SLC12A6: variants seen among roughly 807,000 people sequenced by gnomAD.
SLC12A6 encodes K-Cl cotransporter 3.
Under a neutral mutation model 135.3 loss-of-function variants are expected in SLC12A6, and 66 were observed. That is an observed-to-expected ratio of 0.49 (90% CI 0.40 to 0.60). The LOEUF (loss-of-function observed/expected upper bound fraction) is 0.60, where lower values mean the gene tolerates loss of function less well. SLC12A6 is among the 20% of genes least tolerant of loss of function. The pLI, the probability that SLC12A6 is intolerant of heterozygous loss-of-function variation, is 0.00. For missense variants in SLC12A6, 1,058 were observed against 1,452.3 expected (o/e 0.73, Z 4.41); for synonymous variants, 513 against 508.8 (o/e 1.01, Z -0.11).
chr15:34,251,047 C>T lies in SLC12A6; in HGVS notation c.1344G>A (p.Trp448Ter). The T allele has an allele frequency of 6.2e-7, 1 of 1,607,480 alleles. No homozygotes were observed. Among genetic ancestry groups the T allele is most frequent in the Non-Finnish European group, 8.5e-7 (1 of 1,174,310 alleles). ...LASGIITENL[W>*]SNYLPKGEII... ...TCTCTCCCTTGGGTAGGTAATTACT[C>T]CAAAGATTCTCTGCAGTGGGAAAAA... The change falls in exon 11 of 26, where the codon TGG becomes TGA. Residue 448 changes from tryptophan (W) to a stop codon, truncating the protein, a stop_gained. Transcript: ENST00000354181. LOFTEE classifies it high-confidence loss of function.
chr15:34,289,571 T>G (rs1486957974), intron 2 of SLC12A6, among the ~76,000 whole-genome samples: 1 of 152,234 alleles, frequency 6.6e-6, no homozygotes, highest in Non-Finnish European at 1.5e-5. Flanking sequence ...CTCTTCTTTG[T>G]ACCTCTGGTA....
At chr15:34,266,784 C>T (rs1893554053) in intron 3 of SLC12A6, among the ~76,000 whole-genome samples, 1 of 152,160 alleles carries the variant, frequency 6.6e-6, no homozygotes, top group Non-Finnish European at 1.5e-5. Context: ...TATTATTTTG[C>T]TCAACAAATT....
Position 34,332,072 on chromosome 15 carries a change from G to A in SLC12A6, c.271+4338C>T, listed in dbSNP as rs1330264892. 2.0e-5 allele frequency among the ~76,000 whole-genome samples: 3 copies of A among 151,982 alleles called. No individual in the cohort carries two copies. The East Asian group carries it at 5.8e-4, about 29-fold the overall frequency. On this transcript the variant is annotated intron_variant, in intron 2 of 25. Coordinates refer to ENST00000354181, the MANE Select transcript of SLC12A6 (RefSeq NM_001365088.1). ...TTTTCACCACACTTTACCTTATCAAGTCCTCCAGTCTCTTAAGTGTCTCTA... is the reference window on the plus strand; with the variant it reads ...TTTTCACCACACTTTACCTTATCAAATCCTCCAGTCTCTTAAGTGTCTCTA...
chr15:34,312,505 T>C (rs1445766377), intron 2 of SLC12A6, among the ~76,000 whole-genome samples: 1 of 152,202 alleles, frequency 6.6e-6, no homozygotes, highest in Non-Finnish European at 1.5e-5. Context: ...CAGATTATTA[T>C]AATACAGTGT....
intron 2 of SLC12A6, among the ~76,000 whole-genome samples, chr15:34,306,801 G>A (rs902563235): frequency 6.6e-6 from 1 of 152,160 alleles, no homozygotes; most frequent in African/African-American, 2.4e-5. Flanking sequence ...TAAGTATTAA[G>A]TTCTGAAGAA....
At chr15:34,287,099 C>T (rs888336757) in intron 2 of SLC12A6, among the ~76,000 whole-genome samples, 6 of 152,094 alleles carry the variant, frequency 3.9e-5, no homozygotes, top group African/African-American at 1.2e-4. Flanking sequence ...CCCATCAACC[C>T]GTCATCTACA....
intron 2 of SLC12A6, 74 bp downstream of exon 2, chr15:34,336,336 C>T: frequency 8.5e-7 from 1 of 1,173,682 alleles, no homozygotes; most frequent in Non-Finnish European, 1.3e-6. Flanking sequence ...TTATGATCTT[C>T]CAGATCCATA....
chr15:34,311,453 TA>T (rs1238274681), intron 2 of SLC12A6, among the ~76,000 whole-genome samples: 1 of 152,260 alleles, frequency 6.6e-6, no homozygotes, highest in Non-Finnish European at 1.5e-5. Flanking sequence ...ATATTGGTCC[TA>T]TTTTTAAAAA....
intron 2 of SLC12A6, among the ~76,000 whole-genome samples, chr15:34,295,493 G>T (rs1313295181): frequency 1.3e-5 from 2 of 152,130 alleles, no homozygotes; most frequent in African/African-American, 4.8e-5. Context: ...CGACAAATTA[G>T]AATTTAGGTA....
chr15:34,291,876 C>A (rs1473218091), intron 2 of SLC12A6, among the ~76,000 whole-genome samples: 1 of 151,974 alleles, frequency 6.6e-6, no homozygotes, highest in Non-Finnish European at 1.5e-5. Flanking sequence ...TCTAGTTAAC[C>A]ATTTGTCCTA....
intron 3 of SLC12A6, among the ~76,000 whole-genome samples, chr15:34,271,921 A>C (rs1893981976): frequency 6.6e-6 from 1 of 152,136 alleles, no homozygotes; most frequent in Non-Finnish European, 1.5e-5. Context: ...AAATTATCCT[A>C]AACAAGGTTT....
chr15:34,270,208 C>G (rs1261534313), intron 3 of SLC12A6, among the ~76,000 whole-genome samples: 1 of 151,660 alleles, frequency 6.6e-6, no homozygotes, highest in Non-Finnish European at 1.5e-5. Flanking sequence ...TTACTGTAGC[C>G]TCCAGAGTAG....
In SLC12A6 at chr15:34,233,387, T is replaced by C. The variant is rs16958873; in HGVS notation, c.*494A>G. 0.15 allele frequency: 24,587 copies of C among 162,074 alleles called. 2,273 individuals carry two copies. Among genetic ancestry groups the C allele is most frequent in the African/African-American group, 0.26 (10,960 of 41,568 alleles). 10.0% of individuals were successfully genotyped at this position (162,074 alleles called of 1,614,324 possible). Reference sequence around the variant, plus strand: ...ATACTAAAGAAATATAGCTAAAAAATGTTTGCATCTTGGCTTGCCGAGGAT... The same window carrying C: ...ATACTAAAGAAATATAGCTAAAAAACGTTTGCATCTTGGCTTGCCGAGGAT... On this transcript the variant is annotated 3_prime_UTR_variant, in exon 26 of 26. Transcript: ENST00000354181.
At chr15:34,255,806 G>GCAA (rs201829510) in intron 7 of SLC12A6, among the ~76,000 whole-genome samples, 14 of 143,192 alleles carry the variant, frequency 9.8e-5, no homozygotes, top group African/African-American at 3.1e-4. Flanking sequence ...TGTCACCTCT[G>GCAA]TAAAAAAAAA....
intron 5 of SLC12A6, 73 bp downstream of exon 5, chr15:34,258,740 G>C (rs1892920201): frequency 8.0e-7 from 1 of 1,248,224 alleles, no homozygotes; most frequent in Admixed American, 1.7e-5. Context: ...ACACAGAATG[G>C]TGCCTTAGGT....
At chr15:34,245,942 T>C (rs1454356028) in intron 13 of SLC12A6, 75 bp from the exon 14 acceptor site, 1 of 1,117,574 alleles carries the variant, frequency 8.9e-7, no homozygotes, top group Non-Finnish European at 1.3e-6. Flanking sequence ...ATTCACCCAA[T>C]TTTTTTTTGA....
intron 2 of SLC12A6, among the ~76,000 whole-genome samples, chr15:34,297,389 T>C (rs962087442): frequency 1.3e-5 from 2 of 152,218 alleles, no homozygotes; most frequent in Non-Finnish European, 2.9e-5. Flanking sequence ...ATTACAAAGG[T>C]AGTCTCTAAA....
intron 13 of SLC12A6, among the ~76,000 whole-genome samples, chr15:34,246,277 C>G: frequency 6.6e-6 from 1 of 151,946 alleles, no homozygotes; most frequent in South Asian, 2.1e-4. Flanking sequence ...AAAAGTGAGA[C>G]AAATAATATT....
intron 2 of SLC12A6, among the ~76,000 whole-genome samples, chr15:34,327,148 T>C (rs186987): frequency 0.26 from 39,323 of 151,862 alleles, 7,268 homozygotes; most frequent in African/African-American, 0.52. Context: ...AAAATGACTT[T>C]TTAAAAAATG....
Sources: gnomAD v4.1 joint callset for allele counts (sites outside exome capture counted in the v4.1 genomes callset) on GRCh38, gnomAD v4.1.1 for gene constraint, MANE v1.5 for transcripts, NCBI Gene and HGNC (gene_info 2026-07-23, HGNC 2026-07-21) for gene names.